PRPSAP2: variants seen among roughly 807,000 people sequenced by gnomAD.
PRPSAP2 encodes the protein phosphoribosyl pyrophosphate synthetase associated protein 2, also known as phosphoribosyl pyrophosphate synthase-associated protein 2.
Under a neutral mutation model 40.6 loss-of-function variants are expected in PRPSAP2, and 24 were observed. That is an observed-to-expected ratio of 0.59 (90% CI 0.43 to 0.83). The LOEUF (loss-of-function observed/expected upper bound fraction) is 0.83. PRPSAP2 is among the 40% of genes least tolerant of loss of function. PRPSAP2 has a pLI of 0.00. For missense variants in PRPSAP2, 292 were observed against 465.6 expected (o/e 0.63, Z 3.43); for synonymous variants, 149 against 164.7 (o/e 0.90, Z 0.73).
intron 8 of PRPSAP2, among the ~76,000 whole-genome samples, chr17:18,903,853 G>T (rs2040427101): frequency 6.6e-6 from 1 of 152,222 alleles, no homozygotes; most frequent in South Asian, 2.1e-4. Flanking sequence ...ATTTTCTTGT[G>T]TTCTAATGTC....
intron 8 of PRPSAP2, among the ~76,000 whole-genome samples, chr17:18,891,879 CA>C: frequency 6.6e-6 from 1 of 152,344 alleles, no homozygotes; most frequent in South Asian, 2.1e-4. Context: ...TTGTTCGAGA[CA>C]AAATCTTACT....
intron 7 of PRPSAP2, among the ~76,000 whole-genome samples, chr17:18,886,882 G>GGTCTC (rs2039186509): frequency 6.7e-6 from 1 of 150,210 alleles, no homozygotes; most frequent in African/African-American, 2.5e-5. Flanking sequence ...ATACTCTGAT[G>GGTCTC]GTCTCTTCCT....
chr17:18,863,344 G>A (rs530861849), intron 1 of PRPSAP2, among the ~76,000 whole-genome samples: 8 of 152,106 alleles, frequency 5.3e-5, no homozygotes, highest in South Asian at 4.2e-4. Context: ...GCCCACCTTG[G>A]CCTCACAAGG....
At chr17:18,860,078 G>C (rs1014240379) in intron 1 of PRPSAP2, among the ~76,000 whole-genome samples, 3 of 142,248 alleles carry the variant, frequency 2.1e-5, no homozygotes, top group South Asian at 4.5e-4. Context: ...TTAATTTTTT[G>C]ACACAGAGTC....
At chr17:18,915,310 G>A (rs1451919417) in intron 9 of PRPSAP2, among the ~76,000 whole-genome samples, 19 of 152,118 alleles carry the variant, frequency 1.2e-4, no homozygotes, top group Admixed American at 1.2e-3. Context: ...ACAGGTGTGA[G>A]CCACCATGAC....
chr17:18,909,052 A>G (rs900165990), intron 8 of PRPSAP2, among the ~76,000 whole-genome samples: 2 of 152,194 alleles, frequency 1.3e-5, no homozygotes, highest in African/African-American at 4.8e-5. Flanking sequence ...AACCAGAAAA[A>G]AGCTAAAAAG....
intron 7 of PRPSAP2, among the ~76,000 whole-genome samples, chr17:18,884,467 G>A (rs9914914): frequency 0.53 from 80,191 of 151,718 alleles, 21,445 homozygotes; most frequent in Middle Eastern, 0.6. Context: ...AGCCTTCTGA[G>A]TAGCTGAGAC....
chr17:18,857,865 T>G (rs2036695795), upstream of PRPSAP2: 1 of 152,258 alleles, frequency 6.6e-6, no homozygotes. Flanking sequence ...TATTTGTAAT[T>G]CCAAATGTCA....
chr17:18,891,508 C>T (rs1016607734), intron 8 of PRPSAP2, among the ~76,000 whole-genome samples: 1 of 152,152 alleles, frequency 6.6e-6, no homozygotes, highest in Admixed American at 6.6e-5. Flanking sequence ...ATAGCTTTTC[C>T]AAACATTTCT....
chr17:18,869,842 T>TGTGTGTG (rs1555548062), intron 4 of PRPSAP2, among the ~76,000 whole-genome samples: 2 of 139,148 alleles, frequency 1.4e-5, no homozygotes, highest in Non-Finnish European at 1.5e-5. Flanking sequence ...TACTTTTTTT[T>TGTGTGTG]TGTGTGTGTG....
intron 7 of PRPSAP2, among the ~76,000 whole-genome samples, chr17:18,885,395 C>A (rs1473691948): frequency 1.2e-5 from 1 of 86,188 alleles, no homozygotes; most frequent in African/African-American, 5.0e-5. Flanking sequence ...GAGTGAGATT[C>A]CTTCTCACAA....
intron 11 of PRPSAP2, among the ~76,000 whole-genome samples, chr17:18,929,984 G>GA (rs971669582): frequency 6.6e-6 from 1 of 151,766 alleles, no homozygotes; most frequent in Non-Finnish European, 1.5e-5. Flanking sequence ...CCGTGAGTTG[G>GA]GGGGGGGCTC....
chr17:18,906,953 G>A (rs940072437), intron 8 of PRPSAP2, among the ~76,000 whole-genome samples: 6 of 151,964 alleles, frequency 3.9e-5, no homozygotes, highest in African/African-American at 9.7e-5. Context: ...CAGCTCATAA[G>A]AGTCTACATA....
chr17:18,860,899 A>G (rs902788026), intron 1 of PRPSAP2, among the ~76,000 whole-genome samples: 4 of 152,194 alleles, frequency 2.6e-5, no homozygotes, highest in African/African-American at 9.6e-5. Flanking sequence ...AGGTGCTAAG[A>G]TTCTCTGAAA....
intron 9 of PRPSAP2, among the ~76,000 whole-genome samples, chr17:18,922,036 A>T (rs973905480): frequency 1.3e-5 from 2 of 152,072 alleles, no homozygotes; most frequent in African/African-American, 4.8e-5. Flanking sequence ...GTTTCTGTGG[A>T]TGTTTGCCTA....
chr17:18,897,304 C>T (rs2039966982), intron 8 of PRPSAP2, among the ~76,000 whole-genome samples: 1 of 152,116 alleles, frequency 6.6e-6, no homozygotes, highest in Admixed American at 6.6e-5. Flanking sequence ...TTAAACACTC[C>T]TCAGATTGTT....
chr17:18,913,532 C>T (rs1291628614), intron 9 of PRPSAP2, among the ~76,000 whole-genome samples: 1 of 142,374 alleles, frequency 7.0e-6, no homozygotes, highest in African/African-American at 2.6e-5. Flanking sequence ...TGATGAATAG[C>T]GTCTGGTTCT....
intron 3 of PRPSAP2, among the ~76,000 whole-genome samples, chr17:18,866,599 AT>A (rs2037451776): frequency 6.6e-6 from 1 of 152,144 alleles, no homozygotes; most frequent in South Asian, 2.1e-4. Flanking sequence ...GAAATAACTT[AT>A]AGCTTATAGT....
At chr17:18,877,045 G>A (rs948376018) in intron 5 of PRPSAP2, among the ~76,000 whole-genome samples, 1 of 152,152 alleles carries the variant, frequency 6.6e-6, no homozygotes, top group Non-Finnish European at 1.5e-5. Flanking sequence ...AGCAAGTCCT[G>A]GGACGTGAGG....
Sources: gnomAD v4.1 joint callset for allele counts (sites outside exome capture counted in the v4.1 genomes callset) on GRCh38, gnomAD v4.1.1 for gene constraint, MANE v1.5 for transcripts, NCBI Gene and HGNC (gene_info 2026-07-23, HGNC 2026-07-21) for gene names.